The following ZEB1 variants were observed in gnomAD, a reference collection of about 807,000 sequenced individuals.
ZEB1 encodes the protein zinc finger E-box binding homeobox 1, also known as zinc finger E-box-binding homeobox 1.
Under a neutral mutation model 84.9 loss-of-function variants are expected in ZEB1, and 21 were observed. The observed-to-expected ratio is 0.25, with a 90% confidence interval of 0.18 to 0.36. The LOEUF is 0.36. Among genes scored for constraint, ZEB1 ranks in the 10% least tolerant of loss-of-function variants. The pLI is 1.00. For missense variants in ZEB1, 1,104 were observed against 1,330.2 expected (o/e 0.83, Z 2.65); for synonymous variants, 420 against 471.1 (o/e 0.89, Z 1.41).
chr10:31,393,894 A>G (rs2135310345), intron 1 of ZEB1, among the ~76,000 whole-genome samples: 1 of 152,290 alleles, frequency 6.6e-6, no homozygotes, highest in Admixed American at 6.5e-5. Context: ...CTCATCATTT[A>G]TACTGGAGTA....
At chr10:31,376,173 A>C (rs2046588474) in intron 1 of ZEB1, among the ~76,000 whole-genome samples, 1 of 151,776 alleles carries the variant, frequency 6.6e-6, no homozygotes, top group Non-Finnish European at 1.5e-5. Context: ...CATAAGACTG[A>C]TGTGATGCCA....
rs181750295 is a variant in ZEB1 at position 31,453,040 on chromosome 10, A to C, written c.59-7997A>C. 1.5e-4 allele frequency among the ~76,000 whole-genome samples: 23 copies of C among 152,252 alleles called. No homozygotes were observed. In the East Asian group the frequency reaches 4.1e-3, roughly 27 times the overall value. Reference sequence around the variant, plus strand: ...GATATATGTGGAACCAGTTTGTTAAAAGTAGTCTGTTAGTTTTTAAGGATT... The same window carrying C: ...GATATATGTGGAACCAGTTTGTTAACAGTAGTCTGTTAGTTTTTAAGGATT... On this transcript the variant is annotated intron_variant, in intron 1 of 8. Coordinates refer to ENST00000424869, the MANE Select transcript of ZEB1 (RefSeq NM_001174096.2).
At chr10:31,328,251 A>T (rs1345379937) in intron 1 of ZEB1, among the ~76,000 whole-genome samples, 1 of 152,154 alleles carries the variant, frequency 6.6e-6, no homozygotes, top group Non-Finnish European at 1.5e-5. Flanking sequence ...AGGAACAAGT[A>T]TAGCAGTTAA....
intron 1 of ZEB1, among the ~76,000 whole-genome samples, chr10:31,393,663 C>T (rs10508763): frequency 0.12 from 18,196 of 152,132 alleles, 2,773 homozygotes; most frequent in African/African-American, 0.35. Flanking sequence ...AATTCAACAT[C>T]TGTGTGTAGA....
chr10:31,504,921 T>A (rs1014950562), intron 4 of ZEB1, among the ~76,000 whole-genome samples: 1 of 152,130 alleles, frequency 6.6e-6, no homozygotes, highest in African/African-American at 2.4e-5. Flanking sequence ...CTTTTCCAAA[T>A]TGGATGGCTT....
chr10:31,503,132 G>A (rs2068403619), intron 4 of ZEB1, among the ~76,000 whole-genome samples: 1 of 152,054 alleles, frequency 6.6e-6, no homozygotes, highest in Admixed American at 6.6e-5. Flanking sequence ...AAATTTTTAT[G>A]TGACAAAAGG....
At chr10:31,423,477 T>G (rs1432438876) in intron 1 of ZEB1, among the ~76,000 whole-genome samples, 3 of 152,136 alleles carry the variant, frequency 2.0e-5, no homozygotes, top group Non-Finnish European at 4.4e-5. Flanking sequence ...TTGTTAATAT[T>G]ATGCATGTAT....
rs115689108 is a variant in ZEB1 at position 31,374,234 on chromosome 10, G to C, written c.58+54942G>C. Among the ~76,000 whole-genome samples the C allele has an allele frequency of 7.0e-3, 1,067 of 151,912 alleles. 12 individuals carry two copies. Among genetic ancestry groups the C allele is most frequent in the African/African-American group, 0.024 (978 of 41,512 alleles). ...AAGTAATTTTTCATGCCCAATTAGA[G>C]ATGTCAAAATTATGTTAATTGAATC... On this transcript the variant is annotated intron_variant, in intron 1 of 8. Coordinates refer to ENST00000424869, the MANE Select transcript of ZEB1 (RefSeq NM_001174096.2).
chr10:31,382,727 G>A (rs2047918167), intron 1 of ZEB1, among the ~76,000 whole-genome samples: 1 of 152,100 alleles, frequency 6.6e-6, no homozygotes, highest in Non-Finnish European at 1.5e-5. Flanking sequence ...AAAATATTAT[G>A]ATTAAAAGGA....
chr10:31,411,185 A>T (rs181414089), intron 1 of ZEB1, among the ~76,000 whole-genome samples: 5 of 152,350 alleles, frequency 3.3e-5, no homozygotes, highest in Admixed American at 2.0e-4. Context: ...AGTGCAATCA[A>T]ATTAGAACTC....
At chr10:31,449,312 T>G (rs1337915221) in intron 1 of ZEB1, among the ~76,000 whole-genome samples, 1 of 152,266 alleles carries the variant, frequency 6.6e-6, no homozygotes, top group South Asian at 2.1e-4. Flanking sequence ...GCCTACTGTC[T>G]GGCACTCCCT....
chr10:31,325,938 C>T (rs1215746005), intron 1 of ZEB1, among the ~76,000 whole-genome samples: 2 of 148,648 alleles, frequency 1.3e-5, no homozygotes, highest in Non-Finnish European at 3.0e-5. Flanking sequence ...TCATTTAATC[C>T]ACAATTCTAG....
At chr10:31,354,012 T>G (rs1016095381) in intron 1 of ZEB1, among the ~76,000 whole-genome samples, 5 of 152,188 alleles carry the variant, frequency 3.3e-5, no homozygotes, top group African/African-American at 1.2e-4. Flanking sequence ...TTTTGGATGC[T>G]AGTGATTAGA....
At chr10:31,472,262 T>A (rs555044117) in intron 2 of ZEB1, among the ~76,000 whole-genome samples, 1 of 152,172 alleles carries the variant, frequency 6.6e-6, no homozygotes, top group African/African-American at 2.4e-5. Context: ...AAAAAATTAA[T>A]TAATCCCAGA....
chr10:31,422,673 C>G lies in ZEB1; in HGVS notation c.59-38364C>G, dbSNP rs1392178026. 1.3e-5 allele frequency among the ~76,000 whole-genome samples: 2 copies of G among 151,942 alleles called. 1 individual carries two copies. The highest frequency in any genetic ancestry group is 4.8e-5 in the African/African-American group (2 of 41,358). On this transcript the variant is annotated intron_variant, in intron 1 of 8. Coordinates refer to ENST00000424869, the MANE Select transcript of ZEB1 (RefSeq NM_001174096.2). Reference sequence around the variant, plus strand: ...ATTTCCTTTTAAATAATTTTATAATCTCAGCTTTCATTTTAGAGTTGGGGG... The same window carrying G: ...ATTTCCTTTTAAATAATTTTATAATGTCAGCTTTCATTTTAGAGTTGGGGG...
intron 1 of ZEB1, among the ~76,000 whole-genome samples, chr10:31,376,267 C>G (rs2134627178): frequency 6.6e-6 from 1 of 151,700 alleles, no homozygotes; most frequent in East Asian, 1.9e-4. Context: ...CAAAGCAGTC[C>G]TTAAGTATAC....
intron 4 of ZEB1, among the ~76,000 whole-genome samples, chr10:31,509,088 T>C: frequency 6.6e-6 from 1 of 152,082 alleles, no homozygotes; most frequent in East Asian, 1.9e-4. Flanking sequence ...CCAGCATTAG[T>C]GATGACTGGG....
chr10:31,358,084 C>T (rs774700196), intron 1 of ZEB1: 8 of 152,160 alleles, frequency 5.3e-5, no homozygotes, highest in East Asian at 1.9e-4. Context: ...CTTAACTAAT[C>T]GTTGGCAAAA....
intron 1 of ZEB1, among the ~76,000 whole-genome samples, chr10:31,430,765 T>A (rs1032023575): frequency 6.6e-6 from 1 of 152,180 alleles, no homozygotes; most frequent in Admixed American, 6.5e-5. Flanking sequence ...TTATAAGCCT[T>A]TTTAGCTACA....
Sources: allele counts gnomAD v4.1 joint callset (sites outside exome capture counted in the v4.1 genomes callset), GRCh38; gene constraint gnomAD v4.1.1; transcripts MANE v1.5; gene names NCBI Gene and HGNC (gene_info 2026-07-23, HGNC 2026-07-21).